The following PTPN3 variants were observed in gnomAD, a reference collection of about 807,000 sequenced individuals.
The protein encoded by PTPN3 is tyrosine-protein phosphatase non-receptor type 3.
In PTPN3, 96 loss-of-function variants were observed where a neutral mutation model predicts 132.7. The ratio of observed to expected loss-of-function variants is 0.72; its 90% confidence interval spans 0.61 to 0.86. PTPN3 has a LOEUF of 0.86. Among genes scored for constraint, PTPN3 ranks in the 40% least tolerant of loss-of-function variants. PTPN3 has a pLI of 0.00. For synonymous variants in PTPN3, 398 were observed against 429.0 expected (o/e 0.93, Z 0.89); for missense variants, 1,125 against 1,159.6 (o/e 0.97, Z 0.43).
intron 10 of PTPN3, 84 bp downstream of exon 10, chr9:109,432,989 A>G (rs756361249): frequency 8.4e-6 from 13 of 1,545,592 alleles, no homozygotes; most frequent in Middle Eastern, 1.7e-4. Flanking sequence ...AGAAATAAAC[A>G]TTTAGAATGG....
At chr9:109,432,043 ATTC>A (rs1218607755) in intron 10 of PTPN3, among the ~76,000 whole-genome samples, 2 of 148,670 alleles carry the variant, frequency 1.3e-5, no homozygotes, top group African/African-American at 4.9e-5. Flanking sequence ...AATATATATT[ATTC>A]TATTATATAA....
intron 1 of PTPN3, among the ~76,000 whole-genome samples, chr9:109,484,765 T>A (rs1047807157): frequency 6.6e-6 from 1 of 152,184 alleles, no homozygotes; most frequent in Middle Eastern, 3.2e-3. Flanking sequence ...CCTCCTGCTG[T>A]GGCAAGATCC....
Position 109,443,870 on chromosome 9 carries a change from T to A in PTPN3, c.466+1370A>T, listed in dbSNP as rs78388793. Among the ~76,000 whole-genome samples the A allele has an allele frequency of 4.3e-4, 66 of 152,250 alleles. 3 individuals are homozygous for A. The East Asian group carries it at 0.012, about 28-fold the overall frequency. On this transcript the variant is annotated intron_variant, in intron 7 of 25. Coordinates refer to ENST00000374541, the MANE Select transcript of PTPN3 (RefSeq NM_002829.4). ...CTAACTCTGGTACTCGTCTTACTCG[T>A]GAATAGGGTCATCTTTGATGTCCCC...
At chr9:109,508,222 G>T in the PTPN3 span, among the ~76,000 whole-genome samples, 1 of 150,824 alleles carries the variant, frequency 6.6e-6, no homozygotes, top group Non-Finnish European at 1.5e-5. Context: ...GTGCAGCGGC[G>T]CGATCTTGGC....
intron 9 of PTPN3, among the ~76,000 whole-genome samples, chr9:109,436,575 A>C (rs887603004): frequency 6.6e-6 from 1 of 152,242 alleles, no homozygotes; most frequent in Non-Finnish European, 1.5e-5. Flanking sequence ...GTCACCTGAA[A>C]AATGAATTTA....
Position 109,383,448 on chromosome 9 carries a change from C to T in PTPN3, c.2357G>A (p.Arg786Gln), listed in dbSNP as rs749113031. 5.0e-6 allele frequency: 8 copies of T among 1,614,080 alleles called. No homozygotes were observed. Among genetic ancestry groups the T allele is most frequent in the East Asian group, 2.2e-5 (1 of 44,872 alleles). Reference sequence around the variant, plus strand: ...CTGGGTGTTTGTGACCAGCATTTCTCGGGACACATAGGCGATGGTGCAGTC... The same window carrying T: ...CTGGGTGTTTGTGACCAGCATTTCTTGGGACACATAGGCGATGGTGCAGTC... ...SEDCTIAYVS[R>Q]EMLVTNTQTG... Residue 786 changes from arginine to glutamine, a missense_variant, in exon 23 of 26, where the codon CGA (arginine) becomes CAA (glutamine). Transcript: ENST00000374541.
the PTPN3 span, among the ~76,000 whole-genome samples, chr9:109,505,725 A>G: frequency 6.6e-6 from 1 of 151,916 alleles, no homozygotes; most frequent in African/African-American, 2.4e-5. Flanking sequence ...GCTTGGATGG[A>G]TGGAACTGAG....
At position 109,376,805 on chromosome 9, in the gene PTPN3, G is replaced by A. The variant is rs1485236223; in HGVS notation, c.*2751C>T. 1.3e-5 allele frequency: 2 copies of A among 152,214 alleles called. No individual in the cohort carries two copies. The highest frequency in any genetic ancestry group is 2.9e-5 in the Non-Finnish European group (2 of 68,036). The allele number at this position is 152,214 out of a possible 1,614,324, so 9.4% of individuals were successfully genotyped here. A position where few individuals can be genotyped will look rare whatever the true frequency, so the allele number is the denominator to read the frequency against. ...GAGCTACGGATTTTAAGTGGTAATA[G>A]CTACAGGATTTACTTGAATTGTTTG... On this transcript the variant is annotated 3_prime_UTR_variant, in exon 26 of 26. Transcript: ENST00000374541.
At chr9:109,408,077 A>C (rs1459554432) in intron 17 of PTPN3, among the ~76,000 whole-genome samples, 1 of 152,182 alleles carries the variant, frequency 6.6e-6, no homozygotes, top group Non-Finnish European at 1.5e-5. Context: ...AAAAATGCAG[A>C]TTCCGGTTCA....
At chr9:109,415,077 ACCATCCATCCATCCATCCAT>A (rs201768060) in intron 14 of PTPN3, among the ~76,000 whole-genome samples, 4 of 125,074 alleles carry the variant, frequency 3.2e-5, no homozygotes, top group African/African-American at 9.6e-5. Context: ...CGTCCATCCA[ACCATCCATCCATCCATCCAT>A]CCATCCATCC....
chr9:109,496,244 T>C (rs1352527457), intron 1 of PTPN3, among the ~76,000 whole-genome samples: 3 of 152,250 alleles, frequency 2.0e-5, no homozygotes, highest in African/African-American at 4.8e-5. Flanking sequence ...CGCTATAAAC[T>C]AGAATATTTA....
At chr9:109,412,942 A>ATTT (rs34903384) in intron 14 of PTPN3, among the ~76,000 whole-genome samples, 30,000 of 139,918 alleles carry the variant, frequency 0.21, 3,428 homozygotes, top group East Asian at 0.27. Flanking sequence ...GCCCTAACCT[A>ATTT]TTTTTTTTTT....
chr9:109,536,300 G>C, the PTPN3 span, among the ~76,000 whole-genome samples: 1 of 152,060 alleles, frequency 6.6e-6, no homozygotes, highest in Non-Finnish European at 1.5e-5. Flanking sequence ...CTACCTTTTA[G>C]CCGTTGTGAA....
chr9:109,481,696 G>A (rs770607833), intron 1 of PTPN3, among the ~76,000 whole-genome samples: 11 of 152,164 alleles, frequency 7.2e-5, no homozygotes, highest in African/African-American at 1.2e-4. Context: ...CATCTCCATG[G>A]CATCTAGAAC....
the PTPN3 span, among the ~76,000 whole-genome samples, chr9:109,529,764 C>A: frequency 3.3e-5 from 5 of 152,160 alleles, no homozygotes; most frequent in Non-Finnish European, 5.9e-5. Context: ...ATCCACAGAA[C>A]CTTCATCTTG....
chr9:109,408,794 AAAAT>A lies in PTPN3; in HGVS notation c.1579-421_1579-418del, dbSNP rs1238329524. On this transcript the variant is annotated intron_variant, in intron 16 of 25. Transcript: ENST00000374541. ...ACTTATAATAATTAAAAAAAAAAAA[AAAAT>A]ATATATATATATATATATATGGGCT... is the stretch of plus-strand genomic sequence containing the variant. 5.0e-3 allele frequency among the ~76,000 whole-genome samples: 437 copies of A among 87,370 alleles called. 3 individuals are homozygous for A. The highest frequency in any genetic ancestry group is 0.017 in the Middle Eastern group (3 of 174). The allele number at this position is 87,370 out of a possible 152,430, so 57.3% of individuals were successfully genotyped here. A position where few individuals can be genotyped will look rare whatever the true frequency, so the allele number is the denominator to read the frequency against.
At chr9:109,396,723 C>G (rs911143838) in intron 19 of PTPN3, among the ~76,000 whole-genome samples, 8 of 152,162 alleles carry the variant, frequency 5.3e-5, no homozygotes, top group Non-Finnish European at 1.0e-4. Flanking sequence ...TCAGTATCAC[C>G]AGCTCTGGCC....
intron 22 of PTPN3, among the ~76,000 whole-genome samples, chr9:109,387,586 C>T (rs900343261): frequency 9.2e-5 from 14 of 152,212 alleles, no homozygotes; most frequent in Non-Finnish European, 1.5e-4. Context: ...ATTCTTAATT[C>T]TCAAAACAAT....
the PTPN3 span, among the ~76,000 whole-genome samples, chr9:109,515,031 T>G: frequency 6.6e-6 from 1 of 150,590 alleles, no homozygotes; most frequent in Non-Finnish European, 1.5e-5. Context: ...TACAAGAGGT[T>G]TTTTTTTTTG....
Sources: gnomAD v4.1 joint callset for allele counts (sites outside exome capture counted in the v4.1 genomes callset) on GRCh38, gnomAD v4.1.1 for gene constraint, MANE v1.5 for transcripts, NCBI Gene and HGNC (gene_info 2026-07-23, HGNC 2026-07-21) for gene names.